SNURF: variants seen among roughly 807,000 people sequenced by gnomAD.
SNURF encodes SNRPN upstream open reading frame.
SNURF carries 6 observed loss-of-function variants against 11.6 expected under a neutral mutation model. That is an observed-to-expected ratio of 0.52 (90% CI 0.28 to 1.02). The LOEUF (loss-of-function observed/expected upper bound fraction) is 1.02, where lower values mean the gene tolerates loss of function less well. SNURF is among the 50% of genes least tolerant of loss of function. The pLI, the probability that SNURF is intolerant of heterozygous loss-of-function variation, is 0.09. For synonymous variants in SNURF, 29 were observed against 31.6 expected (o/e 0.92, Z 0.27); for missense variants, 84 against 88.4 (o/e 0.95, Z 0.20).
intron 5 of SNURF, chr15:24,976,800 G>T (rs971757570): frequency 6.1e-6 from 8 of 1,320,284 alleles, no homozygotes; most frequent in African/African-American, 1.5e-5. Context: ...ATGGTGGAGA[G>T]AAGTGATCTC....
At chr15:24,964,321 CTTCA>C (rs1348990382) in intron 2 of SNURF, among the ~76,000 whole-genome samples, 1 of 151,752 alleles carries the variant, frequency 6.6e-6, no homozygotes, top group Admixed American at 6.6e-5. Flanking sequence ...TTTTTCATCT[CTTCA>C]TTCTTTTTGA....
intron 2 of SNURF, 87 bp from the exon 3 acceptor site, chr15:24,967,845 T>G: frequency 9.4e-7 from 1 of 1,060,988 alleles, no homozygotes; most frequent in Admixed American, 1.8e-5. Context: ...TCTTCTTAAA[T>G]GTAAGGGTAC....
chr15:24,967,641 TAAAA>T (rs35079024), intron 2 of SNURF, among the ~76,000 whole-genome samples: 1 of 133,916 alleles, frequency 7.5e-6, no homozygotes, highest in Non-Finnish European at 1.6e-5. Flanking sequence ...GACTCTGTCT[TAAAA>T]AAAAAAAAAA....
At chr15:24,967,695 C>T (rs999719790) in intron 2 of SNURF, among the ~76,000 whole-genome samples, 1 of 149,106 alleles carries the variant, frequency 6.7e-6, no homozygotes, top group African/African-American at 2.5e-5. Context: ...GTAATCCCAG[C>T]TACTTGGGAG....
chr15:24,973,426 C>G (rs1246498819), downstream of SNURF, among the ~76,000 whole-genome samples: 1 of 152,132 alleles, frequency 6.6e-6, no homozygotes, highest in East Asian at 1.9e-4. Context: ...TTGCTCTTGT[C>G]CCTCCTTGTT....
intron 1 of SNURF, among the ~76,000 whole-genome samples, chr15:24,956,726 G>A (rs771922782): frequency 6.6e-6 from 1 of 152,184 alleles, no homozygotes; most frequent in East Asian, 1.9e-4. Context: ...ATGGGTTGGC[G>A]CAGGCTCCGC....
intron 5 of SNURF, chr15:24,976,826 C>T: frequency 6.5e-7 from 1 of 1,535,862 alleles, no homozygotes; most frequent in Non-Finnish European, 8.9e-7. Context: ...AATAAGAATA[C>T]TGAGAACTTG....
At chr15:24,978,061 G>A, downstream of SNURF, 1 of 1,194,678 alleles carries the variant, frequency 8.4e-7, no homozygotes, top group Admixed American at 2.2e-5. Flanking sequence ...ACATAGAAGA[G>A]TAATTGTCAT....
chr15:24,962,995 A>G (rs1246536892), intron 2 of SNURF, among the ~76,000 whole-genome samples: 1 of 112,862 alleles, frequency 8.9e-6, no homozygotes. Context: ...TTTTAAAGCA[A>G]CTACCAACTT....
At chr15:24,956,908 A>G (rs2063017698) in intron 1 of SNURF, among the ~76,000 whole-genome samples, 1 of 152,180 alleles carries the variant, frequency 6.6e-6, no homozygotes. Flanking sequence ...CCTGGAGGCC[A>G]TCAAAGGTGC....
chr15:24,976,313 A>G, exon 5 of SNURF: 1 of 1,613,668 alleles, frequency 6.2e-7, no homozygotes, highest in Middle Eastern at 1.6e-4. Context: ...AGGCCAAAGA[A>G]TGCGAAGCAA....
exon 2 of SNURF, chr15:24,962,190 G>A: frequency 1.2e-6 from 2 of 1,614,082 alleles, no homozygotes; most frequent in Non-Finnish European, 1.7e-6. Context: ...CAGAAGGACT[G>A]CCTCACTGAG....
chr15:24,955,029 G>C lies in SNURF; in HGVS notation c.-20G>C. On this transcript the variant is annotated 5_prime_UTR_variant, in exon 1 of 3. It removes the in-frame stop codon of an upstream open reading frame in the 5' UTR. Coordinates refer to ENST00000577949, the Ensembl canonical transcript of SNURF. Reference sequence around the variant, plus strand: ...CCGGAGATGCCTGACGCATCTGTCTGAGGAGCGGTCAGTGACGCGATGGAG... The same window carrying C: ...CCGGAGATGCCTGACGCATCTGTCTCAGGAGCGGTCAGTGACGCGATGGAG... 2 of 1,612,994 alleles carry C rather than the reference G, an allele frequency of 1.2e-6. No individual in the cohort carries two copies. The highest frequency in any genetic ancestry group is 1.7e-6 in the Non-Finnish European group (2 of 1,179,978).
At chr15:24,961,271 A>G (rs1474005803) in intron 1 of SNURF, among the ~76,000 whole-genome samples, 2 of 152,200 alleles carry the variant, frequency 1.3e-5, no homozygotes, top group Non-Finnish European at 2.9e-5. Context: ...GTTATTGGTA[A>G]GCTATTTTAC....
At chr15:24,978,136 T>G, downstream of SNURF, 2 of 1,570,296 alleles carry the variant, frequency 1.3e-6, no homozygotes, top group South Asian at 1.1e-5. Context: ...TTGGGCTAAA[T>G]TCTAACTTTT....
chr15:24,958,251 T>A (rs1386644562), intron 1 of SNURF, among the ~76,000 whole-genome samples: 1 of 152,134 alleles, frequency 6.6e-6, no homozygotes, highest in East Asian at 1.9e-4. Context: ...CAAGATAACC[T>A]CCTTTGTTTA....
chr15:24,978,048 A>C, downstream of SNURF: 1 of 1,186,124 alleles, frequency 8.4e-7, no homozygotes, highest in South Asian at 1.5e-5. Context: ...TTTTTAATGA[A>C]AGACATAGAA....
intron 5 of SNURF, among the ~76,000 whole-genome samples, chr15:24,976,667 T>A (rs2077092438): frequency 6.6e-6 from 1 of 152,224 alleles, no homozygotes; most frequent in Non-Finnish European, 1.5e-5. Context: ...GGTATGTTTA[T>A]AAAAGAGGTG....
At position 24,968,408 on chromosome 15, in the gene SNURF, G is replaced by A. The variant is rs935178499; in HGVS notation, c.*371G>A. ...TTTATAATTTCCTTTTGTGGGAGGT[G>A]TCATTTTTTTCTGCCAGTAGTTTGA... On this transcript the variant is annotated 3_prime_UTR_variant, in exon 3 of 3. Transcript: ENST00000577949. 1.4e-4 allele frequency: 25 copies of A among 183,048 alleles called. No individual in the cohort carries two copies. In the South Asian group the frequency reaches 1.7e-3, roughly 13 times the overall value. The allele number at this position is 183,048 out of a possible 1,614,324, so 11.3% of individuals were successfully genotyped here. A position where few individuals can be genotyped will look rare whatever the true frequency, so the allele number is the denominator to read the frequency against.
Sources: allele counts gnomAD v4.1 joint callset (sites outside exome capture counted in the v4.1 genomes callset), GRCh38; gene constraint gnomAD v4.1.1; transcripts MANE v1.5; gene names NCBI Gene and HGNC (gene_info 2026-07-23, HGNC 2026-07-21).